CERS6: variants seen among roughly 807,000 people sequenced by gnomAD.
CERS6 encodes the protein LAG1 homolog, ceramide synthase 6.
In CERS6, 26 loss-of-function variants were observed where a neutral mutation model predicts 56.8. That is an observed-to-expected ratio of 0.46 (90% CI 0.34 to 0.63). The LOEUF (loss-of-function observed/expected upper bound fraction) is 0.63. Among genes scored for constraint, CERS6 ranks in the 30% least tolerant of loss-of-function variants. CERS6 has a pLI of 0.01. For synonymous variants in CERS6, 164 were observed against 173.3 expected, an observed-to-expected ratio of 0.95 and a Z score of 0.42; for missense variants, 415 against 467.5, an observed-to-expected ratio of 0.89 and a Z score of 1.04.
intron 3 of CERS6, among the ~76,000 whole-genome samples, chr2:168,565,417 A>G (rs1047373898): frequency 3.0e-4 from 45 of 152,224 alleles, no homozygotes; most frequent in Non-Finnish European, 7.3e-5. Flanking sequence ...GTTAAGAAGA[A>G]AGACAGTTGC....
intron 4 of CERS6, among the ~76,000 whole-genome samples, chr2:168,660,779 C>T (rs1458652906): frequency 6.6e-6 from 1 of 151,984 alleles, no homozygotes; most frequent in Non-Finnish European, 1.5e-5. Context: ...GTTTTGAATC[C>T]TTTTGAAAGG....
At chr2:168,500,485 C>G (rs1183779540) in intron 1 of CERS6, among the ~76,000 whole-genome samples, 1 of 152,162 alleles carries the variant, frequency 6.6e-6, no homozygotes, top group Non-Finnish European at 1.5e-5. Context: ...ATTTAGGAAG[C>G]CTGTGGACAT....
At chr2:168,689,235 C>T (rs1349971588) in intron 4 of CERS6, among the ~76,000 whole-genome samples, 1 of 152,158 alleles carries the variant, frequency 6.6e-6, no homozygotes, top group Non-Finnish European at 1.5e-5. Context: ...CTTAACTTTC[C>T]TTCAAGGACT....
intron 1 of CERS6, among the ~76,000 whole-genome samples, chr2:168,499,079 A>G (rs1309688853): frequency 1.3e-5 from 2 of 152,128 alleles, no homozygotes; most frequent in African/African-American, 2.4e-5. Context: ...GTGATGGCCA[A>G]ACTTATTTTC....
intron 1 of CERS6, among the ~76,000 whole-genome samples, chr2:168,523,234 C>A (rs948960274): frequency 2.0e-5 from 3 of 152,090 alleles, no homozygotes; most frequent in Non-Finnish European, 4.4e-5. Context: ...CTGCTTCAAA[C>A]GACATTATCT....
At chr2:168,534,194 AC>A (rs574253238) in intron 1 of CERS6, among the ~76,000 whole-genome samples, 2 of 151,642 alleles carry the variant, frequency 1.3e-5, no homozygotes, top group Non-Finnish European at 2.9e-5. Context: ...GTTTTTTATT[AC>A]CCGTCTTCTG....
chr2:168,502,838 A>G lies in CERS6; in HGVS notation c.171-44758A>G, dbSNP rs149609087. On this transcript the variant is annotated intron_variant, in intron 1 of 9. Coordinates refer to ENST00000305747, the MANE Select transcript of CERS6 (RefSeq NM_203463.3). ...GAGAGACCACCACATAGCCTGCCCA[A>G]TAGGAACCAGCACGGTCTCTGAGAA... is the stretch of plus-strand genomic sequence containing the variant. Among the ~76,000 whole-genome samples, 54 of 152,324 alleles carry G rather than the reference A, an allele frequency of 3.5e-4. 1 individual carries two copies. Among genetic ancestry groups the G allele is most frequent in the African/African-American group, 1.1e-3 (46 of 41,588 alleles).
chr2:168,493,485 C>T (rs1694410124), intron 1 of CERS6, among the ~76,000 whole-genome samples: 1 of 152,210 alleles, frequency 6.6e-6, no homozygotes, highest in African/African-American at 2.4e-5. Flanking sequence ...GGCTCTTAAC[C>T]ACTGCGCTCT....
chr2:168,570,189 C>T (rs945081170), intron 3 of CERS6, among the ~76,000 whole-genome samples: 3 of 152,136 alleles, frequency 2.0e-5, no homozygotes, highest in African/African-American at 4.8e-5. Context: ...CCTAAGGAGG[C>T]GGAATCCATG....
chr2:168,467,988 G>A (rs1326200555), intron 1 of CERS6, among the ~76,000 whole-genome samples: 2 of 152,184 alleles, frequency 1.3e-5, no homozygotes, highest in Non-Finnish European at 1.5e-5. Flanking sequence ...AATATTTAGA[G>A]TTTTAGACAG....
At chr2:168,566,441 C>G (rs1471166307) in intron 3 of CERS6, among the ~76,000 whole-genome samples, 1 of 152,142 alleles carries the variant, frequency 6.6e-6, no homozygotes, top group Non-Finnish European at 1.5e-5. Context: ...GGGACCCTTT[C>G]GAAACTGTGA....
chr2:168,493,669 C>T (rs1211664006), intron 1 of CERS6, among the ~76,000 whole-genome samples: 1 of 152,026 alleles, frequency 6.6e-6, no homozygotes, highest in African/African-American at 2.4e-5. Context: ...TAGCTGAACA[C>T]CAATAACCCA....
At chr2:168,712,759 C>T (rs1687125025) in intron 6 of CERS6, among the ~76,000 whole-genome samples, 1 of 152,160 alleles carries the variant, frequency 6.6e-6, no homozygotes. Context: ...ATTCCTTGAA[C>T]ACATCAGGAT....
chr2:168,577,513 G>A (rs920855718), intron 3 of CERS6, among the ~76,000 whole-genome samples: 9 of 152,174 alleles, frequency 5.9e-5, no homozygotes, highest in Non-Finnish European at 1.2e-4. Context: ...GAAAAATGAT[G>A]GCTTGTTTGT....
chr2:168,543,005 G>A (rs549162982), intron 1 of CERS6, among the ~76,000 whole-genome samples: 11 of 152,246 alleles, frequency 7.2e-5, no homozygotes, highest in Non-Finnish European at 1.6e-4. Context: ...CCCATTTTAC[G>A]TTTTGACTAT....
intron 8 of CERS6, among the ~76,000 whole-genome samples, chr2:168,740,825 G>A (rs1286685697): frequency 1.3e-5 from 2 of 152,164 alleles, no homozygotes; most frequent in African/African-American, 4.8e-5. Context: ...TTTAAAACAA[G>A]GTCTAAATGG....
intron 1 of CERS6, among the ~76,000 whole-genome samples, chr2:168,524,940 T>A (rs1695044913): frequency 6.6e-6 from 1 of 152,106 alleles, no homozygotes; most frequent in Admixed American, 6.6e-5. Flanking sequence ...ATGTGGACAT[T>A]TTTCCTGAAG....
At chr2:168,725,707 G>A (rs377244291) in intron 8 of CERS6, among the ~76,000 whole-genome samples, 1 of 152,114 alleles carries the variant, frequency 6.6e-6, no homozygotes, top group African/African-American at 2.4e-5. Flanking sequence ...GGTATATATT[G>A]GATACATGTT....
intron 3 of CERS6, among the ~76,000 whole-genome samples, chr2:168,607,437 A>G (rs1262023584): frequency 2.0e-5 from 3 of 152,178 alleles, no homozygotes; most frequent in Non-Finnish European, 2.9e-5. Flanking sequence ...GCTAGAGTGC[A>G]GTGGCATGAT....
Sources: gnomAD v4.1 joint callset for allele counts (sites outside exome capture counted in the v4.1 genomes callset) on GRCh38, gnomAD v4.1.1 for gene constraint, MANE v1.5 for transcripts, NCBI Gene and HGNC (gene_info 2026-07-23, HGNC 2026-07-21) for gene names.